Variants in CIMAP2 observed in about 807,000 individuals in gnomAD.
The protein encoded by CIMAP2 is ciliary microtubule associated protein 2, also known as ciliary microtubule-associated protein 2.
At chr1:54,806,821 G>A in the CIMAP2 span, among the ~76,000 whole-genome samples, 1 of 149,082 alleles carries the variant, frequency 6.7e-6, no homozygotes. Context: ...GTGGGGTGGG[G>A]TGGGGTGGGA....
At chr1:54,810,828 C>T in the CIMAP2 span, among the ~76,000 whole-genome samples, 4 of 152,224 alleles carry the variant, frequency 2.6e-5, no homozygotes, top group Non-Finnish European at 1.5e-5. Flanking sequence ...GGCATTCAGC[C>T]ACCCCACCCT....
the CIMAP2 span, among the ~76,000 whole-genome samples, chr1:54,822,623 C>T: frequency 7.9e-5 from 12 of 152,178 alleles, no homozygotes; most frequent in Non-Finnish European, 1.5e-4. Context: ...CCCACCTCAG[C>T]CTCCTGAGTA....
At chr1:54,822,803 GCCTCTTTCTTAATTTATTCCTTGA>G in the CIMAP2 span, among the ~76,000 whole-genome samples, 2 of 152,258 alleles carry the variant, frequency 1.3e-5, no homozygotes, top group East Asian at 3.9e-4. Flanking sequence ...ACTATGCCTG[GCCTCTTTCTTAATTTATTCCTTGA>G]CCAAGTGGTC....
chr1:54,836,340 C>T, the CIMAP2 span, among the ~76,000 whole-genome samples: 1 of 147,686 alleles, frequency 6.8e-6, no homozygotes, highest in African/African-American at 2.5e-5. Flanking sequence ...TTCCCTGTGT[C>T]CCCCTTTCCT....
chr1:54,832,684 G>A, the CIMAP2 span, among the ~76,000 whole-genome samples: 1 of 152,064 alleles, frequency 6.6e-6, no homozygotes, highest in African/African-American at 2.4e-5. Context: ...AACTCTGTAA[G>A]TTTAAACAAA....
chr1:54,807,021 A>G, the CIMAP2 span: 2 of 1,614,072 alleles, frequency 1.2e-6, no homozygotes, highest in Non-Finnish European at 8.5e-7. Flanking sequence ...TGTTTATCCC[A>G]ACTGGAAGAA....
chr1:54,836,124 C>G, the CIMAP2 span, among the ~76,000 whole-genome samples: 1 of 152,006 alleles, frequency 6.6e-6, no homozygotes, highest in Non-Finnish European at 1.5e-5. Context: ...CTCTGGGACA[C>G]AGAAGTCAGG....
At chr1:54,841,878 A>G in the CIMAP2 span, 1 of 1,551,382 alleles carries the variant, frequency 6.4e-7, no homozygotes, top group East Asian at 2.4e-5. Flanking sequence ...CCTTAAAGCC[A>G]CATGCGAAGG....
chr1:54,838,502 T>C, the CIMAP2 span, among the ~76,000 whole-genome samples: 1 of 150,986 alleles, frequency 6.6e-6, no homozygotes, highest in African/African-American at 2.4e-5. Context: ...AAAAATCATC[T>C]CTCATGGGCA....
the CIMAP2 span, among the ~76,000 whole-genome samples, chr1:54,837,850 A>G: frequency 6.6e-6 from 1 of 152,154 alleles, no homozygotes; most frequent in Non-Finnish European, 1.5e-5. Context: ...GGGAGCCAGG[A>G]GAACAGATTT....
At chr1:54,816,973 C>A in the CIMAP2 span, 1 of 1,614,082 alleles carries the variant, frequency 6.2e-7, no homozygotes, top group Non-Finnish European at 8.5e-7. Flanking sequence ...GTCCTGCCAT[C>A]CTCTCCCTGT....
the CIMAP2 span, chr1:54,811,711 CAA>C: frequency 2.9e-6 from 4 of 1,395,944 alleles, no homozygotes; most frequent in Non-Finnish European, 4.0e-6. Flanking sequence ...TTGGGGATGG[CAA>C]TCTCAGGTGT....
the CIMAP2 span, among the ~76,000 whole-genome samples, chr1:54,814,225 A>AG: frequency 6.6e-6 from 1 of 152,116 alleles, no homozygotes; most frequent in Non-Finnish European, 1.5e-5. Context: ...CTCGGAGCCT[A>AG]CAGCATGGTG....
the CIMAP2 span, chr1:54,811,766 C>CGGGGGGGG: frequency 3.7e-5 from 48 of 1,305,108 alleles, no homozygotes; most frequent in Non-Finnish European, 5.1e-5. Context: ...GTTCTGACAG[C>CGGGGGGGG]CTCCATGCCC....
At chr1:54,835,011 G>A in the CIMAP2 span, among the ~76,000 whole-genome samples, 1 of 152,176 alleles carries the variant, frequency 6.6e-6, no homozygotes, top group Non-Finnish European at 1.5e-5. Flanking sequence ...GCAGCCATGA[G>A]TATACCTTCT....
the CIMAP2 span, among the ~76,000 whole-genome samples, chr1:54,819,235 G>A: frequency 2.6e-5 from 4 of 152,170 alleles, no homozygotes; most frequent in African/African-American, 4.8e-5. Context: ...CTCATTCAGC[G>A]TATGGACTGC....
At chr1:54,830,560 T>C in the CIMAP2 span, among the ~76,000 whole-genome samples, 30,291 of 152,168 alleles carry the variant, frequency 0.2, 3,942 homozygotes, top group African/African-American at 0.36. This position sits in a 1 kb window ranked among gnomAD's most constrained non-coding sequence, Gnocchi z 4.1. Context: ...TGATTTCAGC[T>C]ATGCCTGGTG....
chr1:54,811,765 G>GCCGGGGGGGGGGGGGGGGCCCCCCC, the CIMAP2 span: 3 of 1,301,314 alleles, frequency 2.3e-6, no homozygotes, highest in East Asian at 2.5e-5. Flanking sequence ...GGTTCTGACA[G>GCCGGGGGGGGGGGGGGGGCCCCCCC]CCTCCATGCC....
the CIMAP2 span, among the ~76,000 whole-genome samples, chr1:54,816,603 C>T: frequency 6.6e-6 from 1 of 152,168 alleles, no homozygotes; most frequent in African/African-American, 2.4e-5. Flanking sequence ...AAGAATCTGT[C>T]CTTGCCTCTT....
Sources: allele counts gnomAD v4.1 joint callset (sites outside exome capture counted in the v4.1 genomes callset), GRCh38; gene constraint gnomAD v4.1.1; non-coding constraint Gnocchi (gnomAD v3.1); transcripts MANE v1.5; gene names NCBI Gene and HGNC (gene_info 2026-07-23, HGNC 2026-07-21).